The following SGCD variants were observed in gnomAD, a reference collection of about 807,000 sequenced individuals.
The protein encoded by SGCD is sarcoglycan delta.
Under a neutral mutation model 36.6 loss-of-function variants are expected in SGCD, and 18 were observed. That is an observed-to-expected ratio of 0.49 (90% CI 0.34 to 0.73). The LOEUF is 0.73. Ranked by LOEUF, SGCD falls within the 30% of genes least tolerant of loss-of-function variation. The pLI, the probability that SGCD is intolerant of heterozygous loss-of-function variation, is 0.01. For missense variants in SGCD, 387 were observed against 346.7 expected (o/e 1.12, Z -0.92); for synonymous variants, 133 against 130.6 (o/e 1.02, Z -0.12).
At chr5:155,821,182 A>G in the SGCD span, among the ~76,000 whole-genome samples, 1 of 152,228 alleles carries the variant, frequency 6.6e-6, no homozygotes, top group African/African-American at 2.4e-5. Context: ...TTTTAAGAAA[A>G]CAATTGTGTA....
the SGCD span, among the ~76,000 whole-genome samples, chr5:155,800,882 T>C: frequency 6.6e-6 from 1 of 152,192 alleles, no homozygotes; most frequent in Non-Finnish European, 1.5e-5. Context: ...TTTTGAGATA[T>C]TTCCTATGCT....
intron 1 of SGCD, among the ~76,000 whole-genome samples, chr5:155,916,973 CTG>C (rs1756757025): frequency 6.6e-6 from 1 of 152,170 alleles, no homozygotes; most frequent in Admixed American, 6.6e-5. Flanking sequence ...TTTGCTTAAA[CTG>C]TGACATTCTT....
chr5:155,832,357 T>C, the SGCD span, among the ~76,000 whole-genome samples: 2 of 152,154 alleles, frequency 1.3e-5, no homozygotes, highest in African/African-American at 2.4e-5. Flanking sequence ...CCTATAACTC[T>C]AACATTTATG....
chr5:156,042,777 G>A lies in SGCD; in HGVS notation c.-281-75101G>A, dbSNP rs373307885. The stretch of plus-strand genomic sequence containing the variant: ...AAGACATCTCAGAAGGCCAATCTTA[G>A]GTTCTGTAAATGTTATCTGCTGGAG... On this transcript the variant is annotated intron_variant, in intron 1 of 9. Transcript: ENST00000517913. Among the ~76,000 whole-genome samples, 262 of 152,252 alleles carry A rather than the reference G, an allele frequency of 1.7e-3. 1 individual carries two copies. Among genetic ancestry groups the A allele is most frequent in the African/African-American group, 5.8e-3 (242 of 41,554 alleles).
At chr5:156,585,836 C>T (rs889847627) in intron 4 of SGCD, among the ~76,000 whole-genome samples, 1 of 152,130 alleles carries the variant, frequency 6.6e-6, no homozygotes, top group African/African-American at 2.4e-5. Flanking sequence ...TAGAATTTTG[C>T]AGCCTAATAC....
intron 1 of SGCD, among the ~76,000 whole-genome samples, chr5:155,992,895 A>G (rs754896810): frequency 5.9e-5 from 9 of 152,168 alleles, no homozygotes; most frequent in Admixed American, 3.3e-4. Context: ...TGCTCCTTCT[A>G]TGGTTAGCAA....
intron 3 of SGCD, among the ~76,000 whole-genome samples, chr5:156,475,781 T>C (rs1755153008): frequency 6.6e-6 from 1 of 152,178 alleles, no homozygotes; most frequent in Non-Finnish European, 1.5e-5. Context: ...TTACAAGGAA[T>C]TCTATTAGAA....
intron 3 of SGCD, among the ~76,000 whole-genome samples, chr5:156,298,411 T>A (rs1390542402): frequency 6.6e-6 from 1 of 152,130 alleles, no homozygotes; most frequent in African/African-American, 2.4e-5. Context: ...TTTCTCCATA[T>A]CCATATCCTT....
At chr5:156,181,121 C>T (rs1581151640) in intron 3 of SGCD, among the ~76,000 whole-genome samples, 1 of 152,122 alleles carries the variant, frequency 6.6e-6, no homozygotes, top group Admixed American at 6.6e-5. Context: ...AGAGAGAAAC[C>T]TTGGTTCTGA....
intron 1 of SGCD, among the ~76,000 whole-genome samples, chr5:156,045,476 A>G (rs1027683786): frequency 6.6e-6 from 1 of 152,182 alleles, no homozygotes. Context: ...ACTTGCGTAA[A>G]TCAGTATTCA....
chr5:156,378,916 C>T (rs1483817483), intron 3 of SGCD, among the ~76,000 whole-genome samples: 3 of 152,056 alleles, frequency 2.0e-5, no homozygotes, highest in Admixed American at 1.3e-4. Context: ...AGTATAAAAT[C>T]ACCATCCCAG....
chr5:156,377,231 A>G (rs1417735804), intron 3 of SGCD, among the ~76,000 whole-genome samples: 1 of 152,172 alleles, frequency 6.6e-6, no homozygotes, highest in East Asian at 1.9e-4. Flanking sequence ...ATTAAGCTGA[A>G]TCTTCTAGAA....
At chr5:155,857,085 A>T in the SGCD span, among the ~76,000 whole-genome samples, 1 of 152,084 alleles carries the variant, frequency 6.6e-6, no homozygotes, top group Non-Finnish European at 1.5e-5. Flanking sequence ...AATACAAAAA[A>T]AATTAGCCAG....
chr5:155,853,079 G>T, the SGCD span, among the ~76,000 whole-genome samples: 2 of 151,668 alleles, frequency 1.3e-5, 1 homozygote, highest in South Asian at 4.2e-4. Context: ...TAATATAATG[G>T]ATAGAAACAT....
intron 1 of SGCD, among the ~76,000 whole-genome samples, chr5:155,979,081 A>G (rs1383245458): frequency 6.6e-6 from 1 of 152,210 alleles, no homozygotes; most frequent in African/African-American, 2.4e-5. Context: ...ATGCTGCCAC[A>G]TTATTTTTGA....
intron 1 of SGCD, among the ~76,000 whole-genome samples, chr5:155,984,559 C>T (rs929833547): frequency 3.9e-5 from 6 of 152,208 alleles, no homozygotes; most frequent in Non-Finnish European, 8.8e-5. Flanking sequence ...GAACAGCTCA[C>T]AAAGACTCAT....
chr5:155,797,711 G>A, the SGCD span, among the ~76,000 whole-genome samples: 7 of 152,138 alleles, frequency 4.6e-5, no homozygotes, highest in Non-Finnish European at 8.8e-5. Flanking sequence ...CAGAGCTTTT[G>A]TTTCCTCATC....
At chr5:156,181,805 T>G (rs1322273439) in intron 3 of SGCD, among the ~76,000 whole-genome samples, 1 of 152,192 alleles carries the variant, frequency 6.6e-6, no homozygotes, top group African/African-American at 2.4e-5. Context: ...AGACTCAAGT[T>G]TAGTTAAATC....
chr5:156,611,899 T>A (rs1447592908), intron 6 of SGCD, among the ~76,000 whole-genome samples: 1 of 152,228 alleles, frequency 6.6e-6, no homozygotes. Flanking sequence ...GTTTCATTTA[T>A]TGAATTTTTC....
Sources: allele counts gnomAD v4.1 joint callset (sites outside exome capture counted in the v4.1 genomes callset), GRCh38; gene constraint gnomAD v4.1.1; transcripts MANE v1.5; gene names NCBI Gene and HGNC (gene_info 2026-07-23, HGNC 2026-07-21).